The following PTPN12 variants were observed in gnomAD, a reference collection of about 807,000 sequenced individuals.
PTPN12 encodes the protein tyrosine-protein phosphatase non-receptor type 12.
Under a neutral mutation model 97.6 loss-of-function variants are expected in PTPN12, and 29 were observed. The ratio of observed to expected loss-of-function variants is 0.30; its 90% CI spans 0.22 to 0.41. The LOEUF (loss-of-function observed/expected upper bound fraction) is 0.41, where lower values mean the gene tolerates loss of function less well. Ranked by LOEUF, PTPN12 falls within the 10% of genes least tolerant of loss-of-function variation. PTPN12 has a pLI of 1.00. For synonymous variants in PTPN12, 327 were observed against 300.4 expected, an observed-to-expected ratio of 1.09 and a Z score of -0.91; for missense variants, 819 against 926.0, an observed-to-expected ratio of 0.88 and a Z score of 1.50.
intron 12 of PTPN12, among the ~76,000 whole-genome samples, chr7:77,621,445 G>A (rs1433747117): frequency 6.6e-6 from 1 of 152,160 alleles, no homozygotes; most frequent in Non-Finnish European, 1.5e-5. Flanking sequence ...AAGGTGGGTG[G>A]ATCACCTGAG....
chr7:77,638,057 A>AGG (rs1789669334), intron 16 of PTPN12, among the ~76,000 whole-genome samples: 1 of 137,020 alleles, frequency 7.3e-6, no homozygotes, highest in Non-Finnish European at 1.5e-5. Context: ...TCCTGGGTTC[A>AGG]CAACATTCTC....
intron 1 of PTPN12, among the ~76,000 whole-genome samples, chr7:77,556,005 CT>C (rs1807694225): frequency 6.6e-6 from 1 of 152,136 alleles, no homozygotes; most frequent in South Asian, 2.1e-4. Context: ...TTCTGGCATA[CT>C]GTCTACTTTA....
chr7:77,581,575 T>TC, intron 3 of PTPN12, 72 bp downstream of exon 3: 1 of 888,290 alleles, frequency 1.1e-6, no homozygotes, highest in Non-Finnish European at 1.7e-6. Context: ...TGTAAAAACT[T>TC]TTTGAATTGC....
chr7:77,626,346 G>C (rs1487883917), intron 12 of PTPN12, among the ~76,000 whole-genome samples: 1 of 152,152 alleles, frequency 6.6e-6, no homozygotes, highest in East Asian at 1.9e-4. Flanking sequence ...TCCACAGTAG[G>C]AAGTCAGTAG....
chr7:77,589,428 G>A (rs1186809859), intron 5 of PTPN12, among the ~76,000 whole-genome samples: 1 of 152,004 alleles, frequency 6.6e-6, no homozygotes, highest in African/African-American at 2.4e-5. Flanking sequence ...ATAAAGTGTG[G>A]TCTTCTATAA....
intron 16 of PTPN12, 52 bp downstream of exon 16, chr7:77,637,100 T>A: frequency 7.2e-7 from 1 of 1,390,038 alleles, no homozygotes; most frequent in Non-Finnish European, 1.0e-6. Context: ...TATTGATTAA[T>A]TTCTACAAAA....
intron 2 of PTPN12, among the ~76,000 whole-genome samples, chr7:77,575,769 GCTTT>G (rs1175003282): frequency 6.6e-6 from 1 of 152,102 alleles, no homozygotes; most frequent in East Asian, 1.9e-4. Flanking sequence ...CTGTTAATCA[GCTTT>G]CTGTCTGTAT....
chr7:77,547,230 G>A (rs867081014), intron 1 of PTPN12, among the ~76,000 whole-genome samples: 4 of 152,134 alleles, frequency 2.6e-5, no homozygotes, highest in South Asian at 2.1e-4. Context: ...TGCCCACTAT[G>A]CCCTAGGTAC....
intron 12 of PTPN12, among the ~76,000 whole-genome samples, chr7:77,619,977 G>T (rs893417138): frequency 1.3e-5 from 2 of 152,194 alleles, no homozygotes; most frequent in African/African-American, 4.8e-5. Flanking sequence ...TTAGCCGTCT[G>T]TGGAAGGTAA....
intron 14 of PTPN12, among the ~76,000 whole-genome samples, chr7:77,635,059 G>A (rs1372781900): frequency 6.6e-6 from 1 of 151,922 alleles, no homozygotes; most frequent in Non-Finnish European, 1.5e-5. Context: ...TGGCCAGGCT[G>A]GTCTTGAACT....
chr7:77,616,282 C>T (rs1584196797), intron 11 of PTPN12, among the ~76,000 whole-genome samples: 1 of 152,040 alleles, frequency 6.6e-6, no homozygotes, highest in South Asian at 2.1e-4. Context: ...ATATTCTCAA[C>T]TATAGCTTTT....
intron 11 of PTPN12, among the ~76,000 whole-genome samples, chr7:77,616,236 A>G (rs918969079): frequency 1.3e-5 from 2 of 152,060 alleles, no homozygotes; most frequent in African/African-American, 4.8e-5. Flanking sequence ...TTTTACCTTA[A>G]TATTGTCAAC....
rs143295970 is a variant in PTPN12, at chr7:77,623,713, C to T, written c.1026-2992C>T. ...TGAGTAACAGAATGAGACTCTGTCT[C>T]AATAAAAAATATGTAAATAAAATAC... On this transcript the variant is annotated intron_variant, in intron 12 of 17. Coordinates refer to ENST00000248594, the MANE Select transcript of PTPN12 (RefSeq NM_002835.4). Among the ~76,000 whole-genome samples, 3 of 152,180 alleles carry T rather than the reference C, an allele frequency of 2.0e-5. No homozygotes were observed. The East Asian group carries it at 5.8e-4, about 29-fold the overall frequency.
intron 12 of PTPN12, among the ~76,000 whole-genome samples, chr7:77,620,686 A>G (rs1040978979): frequency 5.9e-5 from 9 of 152,086 alleles, no homozygotes; most frequent in Admixed American, 2.0e-4. Flanking sequence ...GTGGTGGCTC[A>G]CGCCTGTAAT....
chr7:77,622,350 A>T (rs183693886), intron 12 of PTPN12, among the ~76,000 whole-genome samples: 1 of 152,350 alleles, frequency 6.6e-6, no homozygotes, highest in African/African-American at 2.4e-5. Flanking sequence ...GAGGAAATGG[A>T]GACAATACAG....
At chr7:77,577,868 A>G (rs566165020) in intron 2 of PTPN12, among the ~76,000 whole-genome samples, 54 of 152,284 alleles carry the variant, frequency 3.5e-4, no homozygotes, top group African/African-American at 4.8e-5. Flanking sequence ...GAAATCTTGG[A>G]TTTTAATTTG....
chr7:77,625,517 CTCTCTCA>C (rs1789130851), intron 12 of PTPN12, among the ~76,000 whole-genome samples: 2 of 106,856 alleles, frequency 1.9e-5, no homozygotes, highest in Non-Finnish European at 3.9e-5. Context: ...CTCTCTCTCT[CTCTCTCA>C]CTCTCACTCT....
intron 1 of PTPN12, among the ~76,000 whole-genome samples, chr7:77,565,069 T>A (rs1312307985): frequency 6.6e-6 from 1 of 152,148 alleles, no homozygotes; most frequent in Non-Finnish European, 1.5e-5. Context: ...ACTCGTACTG[T>A]GTTTTAAGTG....
chr7:77,589,181 A>G (rs753888842), intron 5 of PTPN12, among the ~76,000 whole-genome samples: 2 of 152,172 alleles, frequency 1.3e-5, no homozygotes, highest in Non-Finnish European at 2.9e-5. Flanking sequence ...CCACCGCACC[A>G]GGCCTGAATA....
Sources: allele counts gnomAD v4.1 joint callset (sites outside exome capture counted in the v4.1 genomes callset), GRCh38; gene constraint gnomAD v4.1.1; transcripts MANE v1.5; gene names NCBI Gene and HGNC (gene_info 2026-07-23, HGNC 2026-07-21).